Variants in WWOX observed in about 807,000 individuals in gnomAD.
WWOX encodes the protein WW domain containing oxidoreductase, also known as WW domain-containing oxidoreductase.
A neutral mutation model predicts 46.2 loss-of-function variants in WWOX; 69 were observed. The ratio of observed to expected loss-of-function variants is 1.49; its 90% confidence interval spans 1.23 to 1.82. WWOX has a LOEUF of 1.82. Ranked by LOEUF, WWOX falls within the 40% of genes most tolerant of loss-of-function variation. WWOX has a pLI of 0.00. For missense variants in WWOX, 919 were observed against 542.6 expected, an observed-to-expected ratio of 1.69 and a Z score of -6.89; for synonymous variants, 359 against 202.6, an observed-to-expected ratio of 1.77 and a Z score of -6.56.
intron 8 of WWOX, among the ~76,000 whole-genome samples, chr16:78,591,351 G>A (rs1367261356): frequency 2.0e-5 from 3 of 152,066 alleles, no homozygotes; most frequent in African/African-American, 7.2e-5. Flanking sequence ...GAAGCATCTG[G>A]GACCACCAGG....
In WWOX at chr16:78,432,705, G is replaced by T; in HGVS notation, c.1009G>T (p.Val337Leu). The T allele has an allele frequency of 6.2e-7, 1 of 1,614,198 alleles. No homozygotes were observed. Among genetic ancestry groups the T allele is most frequent in the Non-Finnish European group, 8.5e-7 (1 of 1,180,044 alleles). ...MYSNIHRSWW[V>L]YTLLFTLARP... ...CTCCAACATTCATCGCAGCTGGTGG[G>T]TGTACACACTGCTGTTTACCTTGGC... Residue 337 changes from valine (V) to leucine (L), a missense_variant, in exon 8 of 9, where the codon GTG (valine) becomes TTG (leucine). Physicochemically the swap from Val to Leu is conservative, Grantham distance 32. Coordinates refer to ENST00000566780, the MANE Select transcript of WWOX (RefSeq NM_016373.4).
At chr16:79,146,533 C>T (rs1218040705) in intron 8 of WWOX, among the ~76,000 whole-genome samples, 1 of 152,150 alleles carries the variant, frequency 6.6e-6, no homozygotes, top group East Asian at 1.9e-4. Context: ...TTGCGCAAGT[C>T]ATTTAACCTA....
At chr16:79,097,264 C>G (rs1408792437) in intron 8 of WWOX, among the ~76,000 whole-genome samples, 1 of 151,846 alleles carries the variant, frequency 6.6e-6, no homozygotes, top group Non-Finnish European at 1.5e-5. Context: ...GCCCTCATGC[C>G]TAGCTGTTTC....
chr16:78,132,702 G>T (rs529711230), intron 4 of WWOX, among the ~76,000 whole-genome samples: 5 of 152,226 alleles, frequency 3.3e-5, no homozygotes, highest in Admixed American at 1.3e-4. Context: ...TTCTGGCTGG[G>T]TTTCTTTTAG....
At chr16:78,248,338 G>C (rs1474170432) in intron 5 of WWOX, among the ~76,000 whole-genome samples, 1 of 152,180 alleles carries the variant, frequency 6.6e-6, no homozygotes, top group Admixed American at 6.5e-5. Context: ...GATCTCAGGA[G>C]AGCCAACTCA....
intron 8 of WWOX, among the ~76,000 whole-genome samples, chr16:78,585,872 C>G (rs1174966316): frequency 6.6e-6 from 1 of 151,888 alleles, no homozygotes; most frequent in Non-Finnish European, 1.5e-5. Flanking sequence ...TTGTCTTGTT[C>G]TCTCTTCCAA....
At chr16:78,492,953 C>G (rs1443886648) in intron 8 of WWOX, among the ~76,000 whole-genome samples, 3 of 152,148 alleles carry the variant, frequency 2.0e-5, no homozygotes, top group African/African-American at 4.8e-5. Context: ...GCTTAGCATA[C>G]TACTCCAAGT....
rs1232615173 is a variant in WWOX at position 78,432,571 on chromosome 16, C to G, written c.875C>G (p.Ala292Gly). The G allele has an allele frequency of 2.5e-6, 4 of 1,614,188 alleles. No individual in the cohort carries two copies. The highest frequency in any genetic ancestry group is 3.4e-6 in the Non-Finnish European group (4 of 1,180,028). ...AAAAACGACTATTGGGCGATGCTGG[C>G]TTATAACAGGTCCAAGCTCTGCAAC... ...PTKNDYWAML[A>G]YNRSKLCNIL... The change falls in exon 8 of 9, where the codon GCT (alanine) becomes GGT (glycine). Residue 292 changes from alanine (A) to glycine (G), a missense_variant. By Grantham distance (60) the Ala-to-Gly change is moderately conservative (BLOSUM62 0). Coordinates refer to ENST00000566780, the MANE Select transcript of WWOX (RefSeq NM_016373.4).
chr16:78,343,621 G>A (rs866184263), intron 5 of WWOX, among the ~76,000 whole-genome samples: 3 of 121,122 alleles, frequency 2.5e-5, no homozygotes, highest in South Asian at 2.5e-4. Context: ...ATATGGAAAC[G>A]TGGCTTCATG....
chr16:78,752,045 A>G (rs1242181466), intron 8 of WWOX, among the ~76,000 whole-genome samples: 1 of 152,136 alleles, frequency 6.6e-6, no homozygotes, highest in Non-Finnish European at 1.5e-5. Context: ...CACAAAATTC[A>G]CTCACAGAAG....
chr16:78,978,416 G>A (rs562979352), intron 8 of WWOX, among the ~76,000 whole-genome samples: 6 of 152,264 alleles, frequency 3.9e-5, no homozygotes, highest in Admixed American at 6.5e-5. Context: ...ATATCAAACC[G>A]TTTTCCACAG....
chr16:78,209,523 A>G (rs80055537), intron 5 of WWOX, among the ~76,000 whole-genome samples: 2,870 of 152,304 alleles, frequency 0.019, 96 homozygotes, highest in East Asian at 0.13. Flanking sequence ...ACTCATAGCA[A>G]GCTCATGCAG....
chr16:79,087,287 G>A (rs577170989), intron 8 of WWOX, among the ~76,000 whole-genome samples: 1 of 152,330 alleles, frequency 6.6e-6, no homozygotes, highest in East Asian at 1.9e-4. Flanking sequence ...CCTCCGGAAT[G>A]TTCTCAGAAA....
chr16:78,289,458 G>A (rs956447549), intron 5 of WWOX, among the ~76,000 whole-genome samples: 1 of 152,094 alleles, frequency 6.6e-6, no homozygotes, highest in East Asian at 1.9e-4. Flanking sequence ...TAGGCTGCAG[G>A]GTAGTGGGAA....
Position 78,454,682 on chromosome 16 carries a change from G to T in WWOX, c.1056+21930G>T, listed in dbSNP as rs1266749604. The stretch of plus-strand genomic sequence containing the variant: ...CACCATACCTGGGGAATTTTTTTTT[G>T]TATTTTTAGCAAGGTTGTTGATCAG... On this transcript the variant is annotated intron_variant, in intron 8 of 8. Transcript: ENST00000566780. 5.4e-5 allele frequency among the ~76,000 whole-genome samples: 8 copies of T among 149,072 alleles called. No homozygotes were observed. In the East Asian group the frequency reaches 8.0e-4, roughly 15 times the overall value.
intron 8 of WWOX, among the ~76,000 whole-genome samples, chr16:78,501,120 C>T (rs2085053330): frequency 6.6e-6 from 1 of 150,928 alleles, no homozygotes; most frequent in East Asian, 2.0e-4. Flanking sequence ...CAGTTAATGC[C>T]CACAAATTTC....
In WWOX at chr16:79,104,052, G is replaced by A. The variant is rs1403570484; in HGVS notation, c.1057-107556G>A. Among the ~76,000 whole-genome samples the A allele has an allele frequency of 4.3e-5, 3 of 69,722 alleles. 1 individual carries two copies. In the East Asian group the frequency reaches 1.6e-3, roughly 37 times the overall value. 45.7% of individuals were successfully genotyped at this position (69,722 alleles called of 152,430 possible). The stretch of plus-strand genomic sequence containing the variant: ...TGCCCTTTTTTGGGGGGGGGGGGGC[G>A]GGTGGTGGGGGTACTTACTAAGGAC... On this transcript the variant is annotated intron_variant, in intron 8 of 8. Coordinates refer to ENST00000566780, the MANE Select transcript of WWOX (RefSeq NM_016373.4).
At chr16:78,557,810 G>C (rs28689502) in intron 8 of WWOX, among the ~76,000 whole-genome samples, 27,028 of 148,470 alleles carry the variant, frequency 0.18, 2,589 homozygotes, top group African/African-American at 0.23. Flanking sequence ...ATTCTCCTAC[G>C]TCAGCCTCCT....
At chr16:78,464,787 G>A (rs755398515) in intron 8 of WWOX, among the ~76,000 whole-genome samples, 18 of 152,110 alleles carry the variant, frequency 1.2e-4, no homozygotes, top group African/African-American at 4.3e-4. Flanking sequence ...GCAACTCTCT[G>A]TTCTGACCTG....
Sources: allele counts gnomAD v4.1 joint callset (sites outside exome capture counted in the v4.1 genomes callset), GRCh38; gene constraint gnomAD v4.1.1; transcripts MANE v1.5; gene names NCBI Gene and HGNC (gene_info 2026-07-23, HGNC 2026-07-21).